Variants in CD99L2 observed in about 807,000 individuals in gnomAD.
CD99L2 encodes the protein CD99 antigen-like protein 2.
In CD99L2, 24 loss-of-function variants were observed where a neutral mutation model predicts 27.3. That is an observed-to-expected ratio of 0.88 (90% CI 0.64 to 1.24). The LOEUF (loss-of-function observed/expected upper bound fraction) is 1.24. Ranked by LOEUF, CD99L2 falls within the 50% of genes most tolerant of loss-of-function variation. The pLI, the probability that CD99L2 is intolerant of heterozygous loss-of-function variation, is 0.00. For missense variants in CD99L2, 255 were observed against 221.6 expected, an observed-to-expected ratio of 1.15 and a Z score of -0.96; for synonymous variants, 97 against 87.9, an observed-to-expected ratio of 1.10 and a Z score of -0.58.
At chrX:150,818,164 A>G (rs1261724549) in intron 2 of CD99L2, among the ~76,000 whole-genome samples, 2 of 99,922 alleles carry the variant, frequency 2.0e-5, no homozygotes, top group Admixed American at 2.3e-4. Context: ...GGAAATTTCA[A>G]TATCTTCTTT....
At chrX:150,784,835 A>C (rs1479566760) in intron 7 of CD99L2, among the ~76,000 whole-genome samples, 4 of 111,672 alleles carry the variant, frequency 3.6e-5, no homozygotes, top group Admixed American at 2.9e-4. Flanking sequence ...AAAGATAAAC[A>C]CCACCCGCTG....
intron 7 of CD99L2, among the ~76,000 whole-genome samples, chrX:150,781,291 C>G (rs1178658832): frequency 8.9e-6 from 1 of 112,030 alleles, no homozygotes; most frequent in Non-Finnish European, 1.9e-5. Context: ...CAAATATTTA[C>G]AAATATATAC....
chrX:150,888,322 A>G (rs1194811468), intron 1 of CD99L2, among the ~76,000 whole-genome samples: 1 of 112,228 alleles, frequency 8.9e-6, no homozygotes, highest in Non-Finnish European at 1.9e-5. Flanking sequence ...AACATGGTCT[A>G]CCCGTACAAT....
At chrX:150,892,065 CA>C (rs1185418989) in intron 1 of CD99L2, among the ~76,000 whole-genome samples, 2 of 108,925 alleles carry the variant, frequency 1.8e-5, no homozygotes, top group Non-Finnish European at 3.8e-5. Context: ...ACTAAAAATA[CA>C]AAAAATTAGC....
At chrX:150,805,657 G>A (rs782695300) in intron 4 of CD99L2, among the ~76,000 whole-genome samples, 59 of 111,409 alleles carry the variant, frequency 5.3e-4, no homozygotes, top group African/African-American at 1.9e-3. Context: ...CCTCCAAAAA[G>A]CGAATGGTTA....
At chrX:150,879,549 C>T (rs1487896850) in intron 1 of CD99L2, among the ~76,000 whole-genome samples, 2 of 108,925 alleles carry the variant, frequency 1.8e-5, no homozygotes, top group African/African-American at 6.7e-5. Context: ...CTCCTGGTTC[C>T]AGGTTTAGTG....
intron 4 of CD99L2, among the ~76,000 whole-genome samples, chrX:150,797,488 G>A (rs979851838): frequency 1.8e-5 from 2 of 112,072 alleles, no homozygotes; most frequent in Non-Finnish European, 3.8e-5. Context: ...TGTTAAAATG[G>A]CAATGCATAC....
intron 1 of CD99L2, among the ~76,000 whole-genome samples, chrX:150,860,198 C>T (rs2046953570): frequency 8.9e-6 from 1 of 112,231 alleles, no homozygotes. Flanking sequence ...AAATGTGATA[C>T]ATCAACAAAA....
intron 4 of CD99L2, among the ~76,000 whole-genome samples, chrX:150,803,660 A>G (rs1007421838): frequency 1.8e-5 from 2 of 112,142 alleles, no homozygotes; most frequent in Admixed American, 9.5e-5. Context: ...GTACAAAAGC[A>G]ATTTGATAAA....
chrX:150,863,649 T>G (rs1557421969), intron 1 of CD99L2, among the ~76,000 whole-genome samples: 4 of 112,366 alleles, frequency 3.6e-5, no homozygotes, highest in East Asian at 2.8e-4. Context: ...AATCTGCCTG[T>G]ATCACTGTAC....
chrX:150,848,972 G>A (rs782766770), intron 1 of CD99L2, among the ~76,000 whole-genome samples: 50 of 111,370 alleles, frequency 4.5e-4, no homozygotes, highest in African/African-American at 1.5e-3. Flanking sequence ...CTGGCTACCC[G>A]CACCAGGAGA....
At chrX:150,848,654 C>G (rs2046742783) in intron 1 of CD99L2, among the ~76,000 whole-genome samples, 1 of 109,951 alleles carries the variant, frequency 9.1e-6, no homozygotes, top group Admixed American at 9.7e-5. Flanking sequence ...TGGACAGAAT[C>G]TGAAATATCA....
chrX:150,777,565 G>A (rs2045420536), intron 7 of CD99L2, 83 bp from the exon 8 acceptor site: 13 of 1,017,368 alleles, frequency 1.3e-5, no homozygotes, highest in Non-Finnish European at 1.4e-5. Context: ...GGATGGCAGT[G>A]CTGGCCCTTC....
chrX:150,798,068 A>G (rs2045826910), intron 4 of CD99L2, among the ~76,000 whole-genome samples: 1 of 85,882 alleles, frequency 1.2e-5, no homozygotes, highest in Non-Finnish European at 2.3e-5. Flanking sequence ...GAAGGAGAAG[A>G]AGGAGAAGGA....
Position 150,856,569 on chromosome X carries a change from A to AAAT in CD99L2, c.68-25279_68-25277dup, listed in dbSNP as rs10564205. The stretch of plus-strand genomic sequence containing the variant: ...ATGCTGAGTGACAGAAGCCAGGCTA[A>AAAT]AATAATAATAATAATAATAATAATA... On this transcript the variant is annotated intron_variant, in intron 1 of 10. Coordinates refer to ENST00000370377, the MANE Select transcript of CD99L2 (RefSeq NM_031462.4). Among the ~76,000 whole-genome samples the AAAT allele has an allele frequency of 2.6e-3, 256 of 98,681 alleles. 1 individual carries two copies. Among genetic ancestry groups the AAAT allele is most frequent in the East Asian group, 6.1e-3 (19 of 3,134 alleles). 85.7% of individuals were successfully genotyped at this position (98,681 alleles called of 115,157 possible).
At chrX:150,898,092 A>G (rs1240523589) in intron 1 of CD99L2, among the ~76,000 whole-genome samples, 1 of 72,532 alleles carries the variant, frequency 1.4e-5, no homozygotes, top group East Asian at 5.0e-4. Flanking sequence ...GCCCGCTGTG[A>G]TCCCGATGAA....
intron 1 of CD99L2, among the ~76,000 whole-genome samples, chrX:150,889,710 CAA>C (rs1477161919): frequency 8.9e-6 from 1 of 112,453 alleles, no homozygotes; most frequent in Non-Finnish European, 1.9e-5. Context: ...CAGCAGTTTT[CAA>C]AGATATTTCT....
At chrX:150,774,743 C>T (rs781788432) in intron 9 of CD99L2, among the ~76,000 whole-genome samples, 2 of 112,393 alleles carry the variant, frequency 1.8e-5, no homozygotes, top group South Asian at 3.7e-4. Context: ...TCGACCCTCT[C>T]GCCCAATGTC....
intron 1 of CD99L2, among the ~76,000 whole-genome samples, chrX:150,896,131 G>A (rs2047604784): frequency 9.0e-6 from 1 of 111,468 alleles, no homozygotes; most frequent in South Asian, 3.7e-4. Flanking sequence ...TGGGCGTGGT[G>A]GCTCACGCCT....
Sources: allele counts gnomAD v4.1 joint callset (sites outside exome capture counted in the v4.1 genomes callset), GRCh38; gene constraint gnomAD v4.1.1; transcripts MANE v1.5; gene names NCBI Gene and HGNC (gene_info 2026-07-23, HGNC 2026-07-21).